The following CFAP61 variants were observed in gnomAD, a reference collection of about 807,000 sequenced individuals.
The protein encoded by CFAP61 is cilia- and flagella-associated protein 61.
CFAP61 carries 107 observed loss-of-function variants against 135.6 expected under a neutral mutation model. The ratio of observed to expected loss-of-function variants is 0.79; its 90% CI spans 0.67 to 0.93. The LOEUF (loss-of-function observed/expected upper bound fraction) is 0.93, where lower values mean the gene tolerates loss of function less well. CFAP61 is among the 40% of genes least tolerant of loss of function. The pLI is 0.00. For missense variants in CFAP61, 1,507 were observed against 1,556.2 expected, an observed-to-expected ratio of 0.97 and a Z score of 0.53; for synonymous variants, 575 against 578.5, an observed-to-expected ratio of 0.99 and a Z score of 0.09.
intron 25 of CFAP61, among the ~76,000 whole-genome samples, chr20:20,335,289 T>C (rs575126080): frequency 1.3e-5 from 2 of 152,368 alleles, no homozygotes; most frequent in South Asian, 4.1e-4. Flanking sequence ...TTTTCATAAA[T>C]TTAAGAAAAG....
intron 21 of CFAP61, among the ~76,000 whole-genome samples, chr20:20,269,242 C>G (rs1043461248): frequency 7.7e-6 from 1 of 129,770 alleles, no homozygotes; most frequent in Non-Finnish European, 1.7e-5. Context: ...TATATATACA[C>G]GTATATGTGC....
intron 21 of CFAP61, among the ~76,000 whole-genome samples, chr20:20,269,154 C>CAG (rs2053088911): frequency 1.1e-5 from 1 of 94,350 alleles, no homozygotes; most frequent in African/African-American, 3.3e-5. Flanking sequence ...TATACACACA[C>CAG]ACACACACAC....
chr20:20,265,589 A>G, intron 21 of CFAP61: 1 of 736,036 alleles, frequency 1.4e-6, no homozygotes, highest in South Asian at 1.5e-5. Context: ...CCAGGATAAG[A>G]AGTATGTGGA....
At chr20:20,351,556 TGAGC>T (rs1187642030) in intron 26 of CFAP61, among the ~76,000 whole-genome samples, 1 of 142,702 alleles carries the variant, frequency 7.0e-6, no homozygotes. Context: ...TACTCCAGTC[TGAGC>T]GAGACTCTGT....
At chr20:20,150,337 T>C (rs1292404664) in intron 9 of CFAP61, among the ~76,000 whole-genome samples, 1 of 152,138 alleles carries the variant, frequency 6.6e-6, no homozygotes, top group East Asian at 1.9e-4. Context: ...GCCCATCACC[T>C]GAGAAACCCA....
At chr20:20,293,861 T>C (rs1456945482) in intron 24 of CFAP61, among the ~76,000 whole-genome samples, 2 of 152,176 alleles carry the variant, frequency 1.3e-5, no homozygotes, top group Admixed American at 6.5e-5. Context: ...AAATTTAAAA[T>C]TGTGTGTTCA....
At chr20:20,151,829 CAAAAA>C (rs386393498) in intron 9 of CFAP61, among the ~76,000 whole-genome samples, 2 of 53,348 alleles carry the variant, frequency 3.7e-5, no homozygotes, top group Non-Finnish European at 6.5e-5. Context: ...GACTCCGTCT[CAAAAA>C]AAAAAAAAAA....
chr20:20,193,319 T>G (rs2056053988), intron 15 of CFAP61, among the ~76,000 whole-genome samples: 1 of 152,124 alleles, frequency 6.6e-6, no homozygotes, highest in African/African-American at 2.4e-5. Flanking sequence ...GAAATTTTCT[T>G]CTCTTTCTAT....
rs1158769621 is a variant in CFAP61, at chr20:20,090,970, G to T, written c.693G>T (p.Val231=). 1 of 1,613,984 alleles carries T rather than the reference G, an allele frequency of 6.2e-7. No homozygotes were observed. ...EAQDEENHAV[V]CEVEGTAVGF... is the part of the protein sequence containing the mutation. Reference sequence around the variant, plus strand: ...AAGATGAAGAGAATCATGCTGTTGTGTGTGAGGTCAGTGACTGATTCATGT... The same window carrying T: ...AAGATGAAGAGAATCATGCTGTTGTTTGTGAGGTCAGTGACTGATTCATGT... The change falls in exon 7 of 27, where the codon GTG becomes GTT. Residue 231 remains valine, a synonymous_variant. Transcript: ENST00000245957.
intron 17 of CFAP61, chr20:20,226,120 G>C (rs566260708): frequency 6.6e-6 from 1 of 152,372 alleles, no homozygotes; most frequent in East Asian, 1.9e-4. Context: ...GGGCTGTGTG[G>C]TTCTTCCCAG....
chr20:20,250,684 A>C (rs903857061), intron 19 of CFAP61, among the ~76,000 whole-genome samples: 4 of 152,356 alleles, frequency 2.6e-5, no homozygotes, highest in Admixed American at 2.6e-4. Context: ...TAAAAGAAGC[A>C]CTTAATGTCC....
chr20:20,075,439 A>C (rs914848283), intron 5 of CFAP61, 50 bp from the exon 6 acceptor site: 1 of 1,601,248 alleles, frequency 6.2e-7, no homozygotes, highest in Non-Finnish European at 8.6e-7. Context: ...TGACATCCCA[A>C]ATTTATTTCT....
chr20:20,218,520 T>C (rs895899995), intron 17 of CFAP61, among the ~76,000 whole-genome samples: 2 of 152,182 alleles, frequency 1.3e-5, no homozygotes, highest in African/African-American at 4.8e-5. Flanking sequence ...ACTTCCTAGG[T>C]GAGCACAGCC....
intron 8 of CFAP61, among the ~76,000 whole-genome samples, chr20:20,123,339 C>T (rs2049818648): frequency 6.6e-6 from 1 of 151,568 alleles, no homozygotes; most frequent in South Asian, 2.1e-4. Flanking sequence ...TGATGAAATC[C>T]TTGCCTAAGC....
chr20:20,243,862 A>C (rs550818969), intron 18 of CFAP61, among the ~76,000 whole-genome samples: 88 of 152,318 alleles, frequency 5.8e-4, no homozygotes, highest in African/African-American at 2.1e-3. Context: ...TACCTCCTAG[A>C]TACAGTGGGG....
chr20:20,191,201 T>C, intron 14 of CFAP61, 141 bp from the exon 15 acceptor site: 1 of 531,524 alleles, frequency 1.9e-6, no homozygotes, highest in Non-Finnish European at 3.4e-6. Context: ...GGCGTTTAAC[T>C]TACTACCTGG....
At chr20:20,352,189 G>C (rs904244146) in intron 26 of CFAP61, among the ~76,000 whole-genome samples, 1 of 152,112 alleles carries the variant, frequency 6.6e-6, no homozygotes, top group African/African-American at 2.4e-5. Context: ...GGTGGCAGGA[G>C]CATGAGAAGA....
Position 20,118,522 on chromosome 20 carries a change from G to A in CFAP61, c.859+19708G>A, listed in dbSNP as rs545044929. On this transcript the variant is annotated intron_variant, in intron 8 of 26. Coordinates refer to ENST00000245957, the MANE Select transcript of CFAP61 (RefSeq NM_015585.4). The stretch of plus-strand genomic sequence containing the variant: ...CTCCTGGCTAATTTTTGTATTTTTA[G>A]TAGAGATGGGGTTTCACCATGTTGG... 1.8e-4 allele frequency among the ~76,000 whole-genome samples: 28 copies of A among 151,832 alleles called. No individual in the cohort carries two copies. The East Asian group carries it at 3.7e-3, about 20-fold the overall frequency.
intron 26 of CFAP61, among the ~76,000 whole-genome samples, chr20:20,358,127 A>ATAGTGTGCGGGGAGGTG (rs2059330295): frequency 8.9e-6 from 1 of 112,596 alleles, no homozygotes; most frequent in Non-Finnish European, 1.8e-5. Context: ...GAGGGGTGGT[A>ATAGTGTGCGGGGAGGTG]GTCACACTGA....
Sources: gnomAD v4.1 joint callset for allele counts (sites outside exome capture counted in the v4.1 genomes callset) on GRCh38, gnomAD v4.1.1 for gene constraint, MANE v1.5 for transcripts, NCBI Gene and HGNC (gene_info 2026-07-23, HGNC 2026-07-21) for gene names.